Variants in SOCS2 observed in about 807,000 individuals in gnomAD.
SOCS2 encodes CIS-2.
Under a neutral mutation model 18.6 loss-of-function variants are expected in SOCS2, and 10 were observed. The ratio of observed to expected loss-of-function variants is 0.54; its 90% confidence interval spans 0.33 to 0.91. The LOEUF is 0.91. Ranked by LOEUF, SOCS2 falls within the 40% of genes least tolerant of loss-of-function variation. The pLI, the probability that SOCS2 is intolerant of heterozygous loss-of-function variation, is 0.02. For missense variants in SOCS2, 231 were observed against 247.2 expected, an observed-to-expected ratio of 0.93 and a Z score of 0.44; for synonymous variants, 104 against 104.0, an observed-to-expected ratio of 1.00 and a Z score of 0.00.
downstream of SOCS2, among the ~76,000 whole-genome samples, chr12:93,588,407 C>G (rs1212121712): frequency 1.3e-5 from 2 of 151,990 alleles, no homozygotes; most frequent in Non-Finnish European, 2.9e-5. Context: ...TATAATGTAT[C>G]TTTTGTTTTT....
At chr12:93,612,179 A>G in the SOCS2 span, among the ~76,000 whole-genome samples, 2 of 152,184 alleles carry the variant, frequency 1.3e-5, no homozygotes, top group Admixed American at 1.3e-4. Context: ...CCCATTTTGC[A>G]CTAAAAAAAT....
chr12:93,624,904 A>T, the SOCS2 span, among the ~76,000 whole-genome samples: 1 of 152,208 alleles, frequency 6.6e-6, no homozygotes, highest in Non-Finnish European at 1.5e-5. Flanking sequence ...TTCTTGGGTT[A>T]ATAGCTAAAT....
At chr12:93,619,675 TATTA>T in the SOCS2 span, among the ~76,000 whole-genome samples, 2 of 152,216 alleles carry the variant, frequency 1.3e-5, no homozygotes, top group Non-Finnish European at 2.9e-5. Flanking sequence ...TACCATACCC[TATTA>T]AAGAGAAATC....
the SOCS2 span, among the ~76,000 whole-genome samples, chr12:93,604,001 G>T: frequency 6.6e-6 from 1 of 152,152 alleles, no homozygotes; most frequent in South Asian, 2.1e-4. Flanking sequence ...ATGATAGTTT[G>T]GTTGCCAAAT....
chr12:93,581,448 T>C (rs1258703351), downstream of SOCS2, among the ~76,000 whole-genome samples: 1 of 152,060 alleles, frequency 6.6e-6, no homozygotes, highest in African/African-American at 2.4e-5. Context: ...CAATCTTATA[T>C]TGGGTTACAT....
Position 93,572,727 on chromosome 12 carries a change from G to C in SOCS2, c.-171G>C. Reference sequence around the variant, plus strand: ...GCGGCTGCGAGGGACTTTGTCATCCGTCCTCCAGGATCTGGGGAGAAAGAG... The same window carrying C: ...GCGGCTGCGAGGGACTTTGTCATCCCTCCTCCAGGATCTGGGGAGAAAGAG... On this transcript the variant is annotated 5_prime_UTR_variant, in exon 1 of 2. Transcript: ENST00000551556. The surrounding 1 kb of genome is among the most constrained non-coding windows in gnomAD (Gnocchi z 5.0). 1.1e-6 allele frequency: 1 copy of C among 873,750 alleles called. No individual in the cohort carries two copies. Among genetic ancestry groups the C allele is most frequent in the Non-Finnish European group, 1.8e-6 (1 of 541,710 alleles). The allele number at this position is 873,750 out of a possible 1,614,324, so 54.1% of individuals were successfully genotyped here. A position where few individuals can be genotyped will look rare whatever the true frequency, so the allele number is the denominator to read the frequency against.
the SOCS2 span, among the ~76,000 whole-genome samples, chr12:93,592,866 G>A: frequency 1.3e-5 from 2 of 149,450 alleles, no homozygotes; most frequent in African/African-American, 4.9e-5. Context: ...TGCCTTGACT[G>A]TGGCTTCATA....
At chr12:93,614,443 C>T in the SOCS2 span, among the ~76,000 whole-genome samples, 14 of 60,102 alleles carry the variant, frequency 2.3e-4, no homozygotes, top group African/African-American at 1.2e-3. Context: ...TCCTTCCTTC[C>T]TTCCTTCCTT....
At chr12:93,614,620 T>TTTCTTTCC in the SOCS2 span, among the ~76,000 whole-genome samples, 1 of 120,260 alleles carries the variant, frequency 8.3e-6, no homozygotes. Flanking sequence ...TCTTTCTTTC[T>TTTCTTTCC]TTCTTTCTTT....
At chr12:93,582,072 G>A (rs17021324) in intron 1 of SOCS2, among the ~76,000 whole-genome samples, 5,925 of 152,242 alleles carry the variant, frequency 0.039, 384 homozygotes, top group African/African-American at 0.13. Context: ...CATTGTTAAA[G>A]GCAGTGTAGT....
At chr12:93,619,100 TC>T in the SOCS2 span, among the ~76,000 whole-genome samples, 2 of 152,262 alleles carry the variant, frequency 1.3e-5, no homozygotes, top group Middle Eastern at 3.4e-3. Context: ...TGGAAAGCTA[TC>T]CCCACCGGTA....
At chr12:93,614,905 C>A in the SOCS2 span, among the ~76,000 whole-genome samples, 1 of 150,412 alleles carries the variant, frequency 6.6e-6, no homozygotes, top group Non-Finnish European at 1.5e-5. Context: ...TGAGCCACAG[C>A]GCCCGGCGCC....
At chr12:93,588,478 A>G (rs1427013710), downstream of SOCS2, among the ~76,000 whole-genome samples, 2 of 152,202 alleles carry the variant, frequency 1.3e-5, no homozygotes, top group Non-Finnish European at 2.9e-5. Flanking sequence ...AAAACTCAAC[A>G]CACCAGAGGA....
chr12:93,601,598 A>G, the SOCS2 span, among the ~76,000 whole-genome samples: 2 of 152,174 alleles, frequency 1.3e-5, no homozygotes, highest in Non-Finnish European at 2.9e-5. Flanking sequence ...CGAGAGCCAC[A>G]GCGCCTGGCC....
chr12:93,592,533 A>C, the SOCS2 span, among the ~76,000 whole-genome samples: 2 of 152,238 alleles, frequency 1.3e-5, no homozygotes, highest in Non-Finnish European at 2.9e-5. Flanking sequence ...GCCCAAGGGT[A>C]CATGGCACTT....
chr12:93,623,179 G>A, the SOCS2 span, among the ~76,000 whole-genome samples: 16 of 152,170 alleles, frequency 1.1e-4, no homozygotes, highest in Middle Eastern at 6.8e-3. Context: ...GGCTGGTCTC[G>A]TGATAGTGAG....
the SOCS2 span, among the ~76,000 whole-genome samples, chr12:93,594,552 C>G: frequency 1.3e-5 from 2 of 151,950 alleles, no homozygotes; most frequent in Non-Finnish European, 2.9e-5. Flanking sequence ...TAGGATTTTT[C>G]CATTTTTGTT....
Position 93,575,108 on chromosome 12 carries a change from G to T in SOCS2, c.526G>T (p.Gly176Cys). ...TAGGCTCACCATTAACAAATGTACC[G>T]GTGCCATCTGGGGACTGCCTTTACC... is the stretch of plus-strand genomic sequence containing the variant. ...LCRLTINKCT[G>C]AIWGLPLPTR... The change falls in exon 2 of 2, where the codon GGT (glycine) becomes TGT (cysteine). Residue 176 changes from glycine (G) to cysteine (C), a missense_variant. Gly to Cys is a radical substitution (Grantham distance 159). Coordinates refer to ENST00000551556, the MANE Select transcript of SOCS2 (RefSeq NM_001270471.2). The T allele has an allele frequency of 1.2e-6, 2 of 1,608,158 alleles. No homozygotes were observed. Among genetic ancestry groups the T allele is most frequent in the Middle Eastern group, 1.7e-4 (1 of 6,032 alleles).
chr12:93,614,012 GT>G, the SOCS2 span, among the ~76,000 whole-genome samples: 1 of 151,956 alleles, frequency 6.6e-6, no homozygotes, highest in African/African-American at 2.4e-5. Context: ...AAAGGTCCTT[GT>G]TAGCCCACAT....
Sources: allele counts gnomAD v4.1 joint callset (sites outside exome capture counted in the v4.1 genomes callset), GRCh38; gene constraint gnomAD v4.1.1; non-coding constraint Gnocchi (gnomAD v3.1); transcripts MANE v1.5; gene names NCBI Gene and HGNC (gene_info 2026-07-23, HGNC 2026-07-21).